The following KIF13B variants were observed in gnomAD, a reference collection of about 807,000 sequenced individuals.
KIF13B encodes the protein kinesin family member 13B, also known as kinesin-like protein KIF13B.
Under a neutral mutation model 222.0 loss-of-function variants are expected in KIF13B, and 127 were observed. The ratio of observed to expected loss-of-function variants is 0.57; its 90% confidence interval spans 0.50 to 0.66. The LOEUF is 0.66. KIF13B is among the 30% of genes least tolerant of loss of function. The probability of loss-of-function intolerance (pLI) is 0.00; values close to 1 mark genes in which losing one functional copy is unlikely to be tolerated. For missense variants in KIF13B, 2,173 were observed against 2,379.0 expected, an observed-to-expected ratio of 0.91 and a Z score of 1.80; for synonymous variants, 976 against 919.0, an observed-to-expected ratio of 1.06 and a Z score of -1.12.
At chr8:29,136,477 G>A (rs980052630) in intron 21 of KIF13B, among the ~76,000 whole-genome samples, 12 of 152,104 alleles carry the variant, frequency 7.9e-5, no homozygotes, top group Non-Finnish European at 1.3e-4. Context: ...CTACTCAGGA[G>A]ACTGAGACAG....
intron 2 of KIF13B, among the ~76,000 whole-genome samples, chr8:29,210,591 A>C (rs1232245041): frequency 6.6e-6 from 1 of 152,226 alleles, no homozygotes; most frequent in Non-Finnish European, 1.5e-5. Context: ...CATTTGTTTC[A>C]ATATGAGAAC....
At chr8:29,178,506 A>T (rs2130259721) in intron 8 of KIF13B, among the ~76,000 whole-genome samples, 1 of 152,266 alleles carries the variant, frequency 6.6e-6, no homozygotes, top group South Asian at 2.1e-4. Context: ...CTTCAATAGC[A>T]ATATAAGGAA....
At chr8:29,251,295 A>G (rs10503850) in intron 1 of KIF13B, among the ~76,000 whole-genome samples, 43,440 of 152,178 alleles carry the variant, frequency 0.29, 7,886 homozygotes, top group East Asian at 0.64. Context: ...AAATTAAAAA[A>G]AGCCTAGCTG....
intron 8 of KIF13B, 42 bp downstream of exon 8, chr8:29,180,062 A>T: frequency 1.2e-6 from 2 of 1,607,316 alleles, no homozygotes; most frequent in Non-Finnish European, 1.7e-6. Context: ...ACCACAATCC[A>T]CTTTAGAAAT....
At chr8:29,113,153 C>T (rs1809434139) in intron 32 of KIF13B, among the ~76,000 whole-genome samples, 1 of 152,184 alleles carries the variant, frequency 6.6e-6, no homozygotes, top group South Asian at 2.1e-4. Flanking sequence ...CTTCAGGATC[C>T]AACTGGAATC....
At chr8:29,135,819 C>T (rs552936019) in intron 21 of KIF13B, among the ~76,000 whole-genome samples, 1 of 152,268 alleles carries the variant, frequency 6.6e-6, no homozygotes, top group East Asian at 1.9e-4. Context: ...TCGCTTCAAC[C>T]CGGGAGGCGG....
chr8:29,127,115 A>C lies in KIF13B; in HGVS notation c.3222+7T>G. On this transcript the variant is annotated splice_region_variant and intron_variant, in intron 25 of 39. Transcript: ENST00000524189. ...TCAAGAAGAACATAACAGGTATAGA[A>C]ACTTACATGGAAGGTCTCATGTGTT... 6.2e-7 allele frequency: 1 copy of C among 1,613,176 alleles called. No homozygotes were observed. Among genetic ancestry groups the C allele is most frequent in the South Asian group, 1.1e-5 (1 of 90,962 alleles).
chr8:29,198,605 C>G (rs750425634), intron 2 of KIF13B, among the ~76,000 whole-genome samples: 3 of 152,134 alleles, frequency 2.0e-5, no homozygotes, highest in Non-Finnish European at 4.4e-5. Flanking sequence ...TTGCAGGCAT[C>G]AGCCACGGCA....
chr8:29,232,184 A>G (rs1328256357), intron 2 of KIF13B, among the ~76,000 whole-genome samples: 1 of 152,022 alleles, frequency 6.6e-6, no homozygotes, highest in African/African-American at 2.4e-5. Flanking sequence ...TTGAACCTGG[A>G]AAGGTTGAGG....
chr8:29,133,555 C>G (rs948883778), intron 22 of KIF13B, among the ~76,000 whole-genome samples: 2 of 152,182 alleles, frequency 1.3e-5, no homozygotes, highest in Non-Finnish European at 2.9e-5. Context: ...CGTGCCACTG[C>G]ACTCCAGCCT....
At chr8:29,129,900 T>C (rs1810271101) in intron 24 of KIF13B, among the ~76,000 whole-genome samples, 1 of 152,218 alleles carries the variant, frequency 6.6e-6, no homozygotes, top group South Asian at 2.1e-4. Flanking sequence ...GTTATCATCA[T>C]GTCTACATAA....
chr8:29,086,634 G>A (rs904557777), intron 37 of KIF13B, among the ~76,000 whole-genome samples: 17 of 152,176 alleles, frequency 1.1e-4, no homozygotes, highest in South Asian at 4.1e-4. Flanking sequence ...TTTCCATGTC[G>A]ATCCCCAAAC....
intron 10 of KIF13B, among the ~76,000 whole-genome samples, chr8:29,170,870 A>G (rs1265914118): frequency 2.0e-5 from 3 of 152,220 alleles, no homozygotes; most frequent in African/African-American, 7.2e-5. Context: ...TTGAGTCCAG[A>G]AGTTCAACAC....
At chr8:29,144,009 T>G (rs1810940769) in intron 18 of KIF13B, among the ~76,000 whole-genome samples, 1 of 151,454 alleles carries the variant, frequency 6.6e-6, no homozygotes, top group Non-Finnish European at 1.5e-5. Flanking sequence ...TAGAAAAAAT[T>G]TTAGAACTTT....
At chr8:29,126,426 T>C in intron 26 of KIF13B, 56 bp downstream of exon 26, 1 of 1,122,942 alleles carries the variant, frequency 8.9e-7, no homozygotes, top group Non-Finnish European at 1.3e-6. Context: ...CAGGAATGTG[T>C]AATTATATAC....
rs113912404 is a variant in KIF13B at position 29,227,140 on chromosome 8, A to G, written c.149+18206T>C. 5.2e-3 allele frequency among the ~76,000 whole-genome samples: 789 copies of G among 152,334 alleles called. 9 individuals are homozygous for G. Among genetic ancestry groups the G allele is most frequent in the African/African-American group, 0.018 (743 of 41,578 alleles). On this transcript the variant is annotated intron_variant, in intron 2 of 39. Transcript: ENST00000524189. ...ATGTACCTTATTCAATAAGGATTCA[A>G]TAAGGTAGTTAACCTATTTTTATTA...
chr8:29,071,110 G>A lies in KIF13B; in HGVS notation c.5219-344C>T, dbSNP rs374913101. Among the ~76,000 whole-genome samples, 2 of 152,312 alleles carry A rather than the reference G, an allele frequency of 1.3e-5. No individual in the cohort carries two copies. Among genetic ancestry groups the A allele is most frequent in the East Asian group, 3.9e-4 (2 of 5,180 alleles). ...CACTAAGGCACAACCGGCCCGCCTC[G>A]TGCGGGAACAGACCCTTCTCCATCT... is the stretch of plus-strand genomic sequence containing the variant. On this transcript the variant is annotated intron_variant, in intron 39 of 39. Coordinates refer to ENST00000524189, the MANE Select transcript of KIF13B (RefSeq NM_015254.4). The surrounding 1 kb of genome is among the most constrained non-coding windows in gnomAD (Gnocchi z 4.9).
At chr8:29,084,546 C>T (rs1203394852) in intron 37 of KIF13B, among the ~76,000 whole-genome samples, 2 of 152,158 alleles carry the variant, frequency 1.3e-5, no homozygotes, top group Non-Finnish European at 2.9e-5. Flanking sequence ...GCAGCCCTAA[C>T]CAAAAGGGAC....
chr8:29,116,757 A>T, intron 31 of KIF13B, 74 bp downstream of exon 31: 1 of 1,391,266 alleles, frequency 7.2e-7, no homozygotes, highest in Non-Finnish European at 9.8e-7. Context: ...ACAGAAGGTT[A>T]ACAGCAAGCA....
Sources: gnomAD v4.1 joint callset for allele counts (sites outside exome capture counted in the v4.1 genomes callset) on GRCh38, gnomAD v4.1.1 for gene constraint, Gnocchi (gnomAD v3.1) non-coding constraint, MANE v1.5 for transcripts, NCBI Gene and HGNC (gene_info 2026-07-23, HGNC 2026-07-21) for gene names.